AIG1: variants seen among roughly 807,000 people sequenced by gnomAD.
The protein encoded by AIG1 is androgen-induced gene 1 protein.
Under a neutral mutation model 31.4 loss-of-function variants are expected in AIG1, and 23 were observed. The observed-to-expected ratio is 0.73, with a 90% confidence interval of 0.53 to 1.04. The LOEUF (loss-of-function observed/expected upper bound fraction) is 1.04, where lower values mean the gene tolerates loss of function less well. Ranked by LOEUF, AIG1 falls within the 50% of genes least tolerant of loss-of-function variation. AIG1 has a pLI of 0.00. For missense variants in AIG1, 274 were observed against 295.0 expected (o/e 0.93, Z 0.52); for synonymous variants, 100 against 110.5 (o/e 0.90, Z 0.60).
At chr6:143,144,141 C>T (rs1470720295) in intron 2 of AIG1, among the ~76,000 whole-genome samples, 1 of 152,168 alleles carries the variant, frequency 6.6e-6, no homozygotes, top group Admixed American at 6.5e-5. Context: ...GCTTCCAAGA[C>T]AAATTTCTTA....
intron 3 of AIG1, among the ~76,000 whole-genome samples, chr6:143,200,730 G>A (rs1327387913): frequency 1.3e-5 from 2 of 152,032 alleles, no homozygotes; most frequent in Admixed American, 1.3e-4. Context: ...CTGGCCTCTG[G>A]TTTTGCTTTT....
At chr6:143,278,683 G>A (rs183987621) in intron 3 of AIG1, among the ~76,000 whole-genome samples, 4 of 151,698 alleles carry the variant, frequency 2.6e-5, no homozygotes, top group Admixed American at 2.6e-4. Flanking sequence ...TGACCAGGCT[G>A]GTCTCGAACT....
intron 3 of AIG1, among the ~76,000 whole-genome samples, chr6:143,190,938 G>A (rs1025551703): frequency 4.6e-5 from 7 of 152,064 alleles, no homozygotes; most frequent in African/African-American, 1.4e-4. Flanking sequence ...ATACTCAGAG[G>A]TTCTGATGGA....
rs564964860 is a variant in AIG1 at position 143,262,609 on chromosome 6, A to G, written c.400-21501A>G. Among the ~76,000 whole-genome samples the G allele has an allele frequency of 2.0e-5, 3 of 152,356 alleles. No individual in the cohort carries two copies. In the East Asian group the frequency reaches 5.8e-4, roughly 29 times the overall value. On this transcript the variant is annotated intron_variant, in intron 3 of 5. Coordinates refer to ENST00000357847, the MANE Select transcript of AIG1 (RefSeq NM_016108.4). ...GAAATAGGGATTCTTACAGATTCCT[A>G]CAATGACGAAAGGGATTTTACGCAG...
chr6:143,261,403 A>C (rs1483649633), intron 3 of AIG1, among the ~76,000 whole-genome samples: 1 of 152,196 alleles, frequency 6.6e-6, no homozygotes. Flanking sequence ...AAGTGCTGGG[A>C]TTACAGATGT....
At chr6:143,305,940 T>G (rs1188241542) in intron 4 of AIG1, among the ~76,000 whole-genome samples, 4 of 152,210 alleles carry the variant, frequency 2.6e-5, no homozygotes, top group Non-Finnish European at 4.4e-5. Flanking sequence ...TTAGTATAGT[T>G]AACTCTTCTT....
At chr6:143,080,394 C>T (rs550848175) in intron 1 of AIG1, among the ~76,000 whole-genome samples, 16 of 152,168 alleles carry the variant, frequency 1.1e-4, no homozygotes, top group African/African-American at 3.4e-4. Context: ...AAGAGACAAA[C>T]GTAACAAGGA....
chr6:143,253,926 AT>A, intron 3 of AIG1, among the ~76,000 whole-genome samples: 1 of 152,302 alleles, frequency 6.6e-6, no homozygotes, highest in Non-Finnish European at 1.5e-5. Context: ...GGCAGTAGAA[AT>A]TCTTTTGAAT....
At position 143,190,281 on chromosome 6, in the gene AIG1, G is replaced by C. The variant is rs527450318; in HGVS notation, c.399+25098G>C. ...TAATATCATGGATCACAGATTGTAG[G>C]AGTCGAGAAACAGAATAAAAAGACA... On this transcript the variant is annotated intron_variant, in intron 3 of 5. Transcript: ENST00000357847. The C allele has an allele frequency of 7.1e-6, 7 of 985,464 alleles. No individual in the cohort carries two copies. The African/African-American group carries it at 8.7e-5, about 12-fold the overall frequency. The allele number at this position is 985,464 out of a possible 1,614,324, so 61.0% of individuals were successfully genotyped here. A position where few individuals can be genotyped will look rare whatever the true frequency, so the allele number is the denominator to read the frequency against.
Position 143,325,167 on chromosome 6 carries a change from C to T in AIG1, c.516-8115C>T, listed in dbSNP as rs957965768. On this transcript the variant is annotated intron_variant, in intron 4 of 5. Transcript: ENST00000357847. The surrounding 1 kb of genome is among the most constrained non-coding windows in gnomAD (Gnocchi z 4.3). ...TGCTGTCTACCTTTGAACCACTTGT[C>T]CCTTGGCTTTACAACATCACACTTT... is the stretch of plus-strand genomic sequence containing the variant. 2.6e-5 allele frequency among the ~76,000 whole-genome samples: 4 copies of T among 152,200 alleles called. No individual in the cohort carries two copies. The highest frequency in any genetic ancestry group is 9.6e-5 in the African/African-American group (4 of 41,452).
chr6:143,235,344 A>G (rs1179548816), intron 3 of AIG1, among the ~76,000 whole-genome samples: 2 of 152,170 alleles, frequency 1.3e-5, no homozygotes, highest in Non-Finnish European at 2.9e-5. Context: ...TGTTTCTGTA[A>G]CACTGGAAGA....
intron 3 of AIG1, among the ~76,000 whole-genome samples, chr6:143,218,872 C>G (rs952178526): frequency 6.6e-6 from 1 of 152,276 alleles, no homozygotes; most frequent in East Asian, 1.9e-4. Flanking sequence ...CCTCAGGTAA[C>G]GCAGAGCAAT....
intron 2 of AIG1, among the ~76,000 whole-genome samples, chr6:143,160,358 T>A (rs1035735749): frequency 6.6e-6 from 1 of 152,232 alleles, no homozygotes; most frequent in Non-Finnish European, 1.5e-5. Context: ...TGTGAGAGAC[T>A]CCTTTCAAAA....
intron 1 of AIG1, among the ~76,000 whole-genome samples, chr6:143,068,578 C>T (rs534136065): frequency 3.9e-5 from 6 of 152,292 alleles, no homozygotes; most frequent in African/African-American, 9.6e-5. Flanking sequence ...TTAGGTCTGT[C>T]AGGTTGTGTT....
chr6:143,282,973 G>A (rs926080219), intron 3 of AIG1, among the ~76,000 whole-genome samples: 4 of 152,066 alleles, frequency 2.6e-5, no homozygotes, highest in South Asian at 2.1e-4. Context: ...ATTCTTTCAC[G>A]GCTGTTTAGG....
chr6:143,270,568 T>A (rs1030325849), intron 3 of AIG1, among the ~76,000 whole-genome samples: 6 of 152,254 alleles, frequency 3.9e-5, no homozygotes, highest in African/African-American at 1.4e-4. Flanking sequence ...GGCTTTTTCC[T>A]ATAATCTTTG....
At position 143,340,625 on chromosome 6, in the gene AIG1, G is replaced by T. The variant is rs1777820990; in HGVS notation, c.*949G>T. Among the ~76,000 whole-genome samples the T allele has an allele frequency of 1.3e-5, 2 of 151,964 alleles. No individual in the cohort carries two copies. Among genetic ancestry groups the T allele is most frequent in the Non-Finnish European group, 2.9e-5 (2 of 68,014 alleles). ...ACTACAGGCGCCTGCCACACGCCCG[G>T]CTTATTTTTTGTATTTTTAGTAGAG... On this transcript the variant is annotated 3_prime_UTR_variant, in exon 6 of 6. Coordinates refer to ENST00000357847, the MANE Select transcript of AIG1 (RefSeq NM_016108.4).
intron 3 of AIG1, among the ~76,000 whole-genome samples, chr6:143,226,461 G>A (rs928764113): frequency 2.0e-5 from 3 of 151,724 alleles, no homozygotes; most frequent in African/African-American, 7.3e-5. Flanking sequence ...GGCCAGGATG[G>A]TCTTGATCTC....
chr6:143,195,514 T>C (rs1790150704), intron 3 of AIG1, among the ~76,000 whole-genome samples: 1 of 152,066 alleles, frequency 6.6e-6, no homozygotes, highest in Non-Finnish European at 1.5e-5. Flanking sequence ...CAGATGAACA[T>C]TTTAGAAGGC....
Sources: allele counts gnomAD v4.1 joint callset (sites outside exome capture counted in the v4.1 genomes callset), GRCh38; gene constraint gnomAD v4.1.1; non-coding constraint Gnocchi (gnomAD v3.1); transcripts MANE v1.5; gene names NCBI Gene and HGNC (gene_info 2026-07-23, HGNC 2026-07-21).